Variants in LTBP1 observed in about 807,000 individuals in gnomAD.
LTBP1 encodes latent transforming growth factor beta binding protein 1.
Under a neutral mutation model 207.6 loss-of-function variants are expected in LTBP1, and 129 were observed. The observed-to-expected ratio is 0.62, with a 90% CI of 0.54 to 0.72. The LOEUF is 0.72. Ranked by LOEUF, LTBP1 falls within the 30% of genes least tolerant of loss-of-function variation. The pLI is 0.00. For missense variants in LTBP1, 2,281 were observed against 2,217.2 expected (o/e 1.03, Z -0.58); for synonymous variants, 963 against 833.7 (o/e 1.16, Z -2.67).
At chr2:33,294,571 T>TA (rs201311641) in intron 20 of LTBP1, among the ~76,000 whole-genome samples, 1 of 149,020 alleles carries the variant, frequency 6.7e-6, no homozygotes, top group African/African-American at 2.5e-5. Flanking sequence ...AATTATTGGG[T>TA]AAAATTTTTT....
In LTBP1 at chr2:33,398,607, G is replaced by C. The variant is rs538433340; in HGVS notation, c.*62G>C. ...ACTGTGTAAAGGAAAAGGGAGAAAT[G>C]TATTATACTTGAGACATTGCACCTA... On this transcript the variant is annotated 3_prime_UTR_variant, in exon 34 of 34. Transcript: ENST00000404816. The C allele has an allele frequency of 8.1e-5, 119 of 1,468,296 alleles. 2 individuals are homozygous for C. The East Asian group carries it at 2.5e-3, about 31-fold the overall frequency. The allele number at this position is 1,468,296 out of a possible 1,614,324, so 91.0% of individuals were successfully genotyped here. A position where few individuals can be genotyped will look rare whatever the true frequency, so the allele number is the denominator to read the frequency against.
chr2:33,096,211 A>G (rs577733493), intron 3 of LTBP1, among the ~76,000 whole-genome samples: 1 of 152,334 alleles, frequency 6.6e-6, no homozygotes, highest in South Asian at 2.1e-4. Context: ...AGGTCATAAA[A>G]TGGTGGAATG....
chr2:33,295,759 T>C (rs141822966), intron 20 of LTBP1, among the ~76,000 whole-genome samples: 2 of 152,318 alleles, frequency 1.3e-5, no homozygotes, highest in East Asian at 3.9e-4. Flanking sequence ...AAACATTTTC[T>C]TCTTAAGTGT....
chr2:33,254,341 C>T (rs2092767784), intron 11 of LTBP1, among the ~76,000 whole-genome samples: 1 of 151,634 alleles, frequency 6.6e-6, no homozygotes, highest in African/African-American at 2.4e-5. Flanking sequence ...CTTTTAAGTT[C>T]AGGGGTAAAA....
chr2:32,989,418 A>G (rs1423808210), intron 2 of LTBP1, among the ~76,000 whole-genome samples: 4 of 152,254 alleles, frequency 2.6e-5, no homozygotes, highest in Non-Finnish European at 5.9e-5. Flanking sequence ...TACATGGTGT[A>G]TATTACTCAA....
At chr2:33,275,234 G>A (rs2093401358) in intron 17 of LTBP1, 144 bp downstream of exon 17, 1 of 985,502 alleles carries the variant, frequency 1.0e-6, no homozygotes, top group Non-Finnish European at 1.5e-6. Context: ...TAGATCCCAG[G>A]TGATATAAAA....
chr2:33,014,127 A>G, intron 2 of LTBP1, among the ~76,000 whole-genome samples: 1 of 152,196 alleles, frequency 6.6e-6, no homozygotes, highest in Non-Finnish European at 1.5e-5. Flanking sequence ...TTTCATAAGG[A>G]TGAAAGACCT....
At chr2:33,356,504 C>A (rs183943854) in intron 26 of LTBP1, among the ~76,000 whole-genome samples, 6 of 152,040 alleles carry the variant, frequency 3.9e-5, no homozygotes, top group African/African-American at 1.4e-4. Flanking sequence ...ATGGTGAAAC[C>A]CTGTCTCTAC....
At chr2:33,199,974 G>T (rs952259219) in intron 7 of LTBP1, among the ~76,000 whole-genome samples, 1 of 152,160 alleles carries the variant, frequency 6.6e-6, no homozygotes, top group Non-Finnish European at 1.5e-5. Context: ...TGAAATAAAA[G>T]AGGATACAAA....
intron 3 of LTBP1, among the ~76,000 whole-genome samples, chr2:33,093,250 A>G (rs2079202052): frequency 2.0e-5 from 3 of 152,212 alleles, no homozygotes; most frequent in Non-Finnish European, 4.4e-5. Context: ...AAAATAAAAT[A>G]TTTGATTTAC....
intron 2 of LTBP1, among the ~76,000 whole-genome samples, chr2:32,995,100 C>G (rs1433932953): frequency 1.3e-5 from 2 of 151,802 alleles, no homozygotes; most frequent in East Asian, 1.9e-4. Flanking sequence ...AAGAGGATCA[C>G]TTGAGCTGAG....
intron 10 of LTBP1, among the ~76,000 whole-genome samples, chr2:33,246,044 C>G (rs1308864956): frequency 6.6e-6 from 1 of 152,160 alleles, no homozygotes; most frequent in East Asian, 1.9e-4. Flanking sequence ...CCAAATAATT[C>G]TGAACTTATT....
intron 31 of LTBP1, among the ~76,000 whole-genome samples, chr2:33,368,120 T>C (rs1240554301): frequency 6.6e-6 from 1 of 151,912 alleles, no homozygotes; most frequent in African/African-American, 2.4e-5. Flanking sequence ...GGCAGGAGAA[T>C]AGCTTGAACC....
chr2:33,280,116 C>A lies in LTBP1; in HGVS notation c.3070C>A (p.Pro1024Thr). Residue 1024 changes from proline (P) to threonine (T), a missense_variant, in exon 19 of 34, where the codon CCC becomes ACC. By Grantham distance (38) the Pro-to-Thr change is conservative. Coordinates refer to ENST00000404816, the MANE Select transcript of LTBP1 (RefSeq NM_206943.4). The stretch of plus-strand genomic sequence containing the variant: ...TTCTCCTGGATCTTACCAGTGCGTT[C>A]CCTGCACAGAAGGATTCCGAGGCTG... Reference protein sequence around the residue: ...VNSPGSYQCVPCTEGFRGWNG... With the variant: ...VNSPGSYQCVTCTEGFRGWNG... 6.2e-7 allele frequency: 1 copy of A among 1,614,042 alleles called. No individual in the cohort carries two copies. The highest frequency in any genetic ancestry group is 8.5e-7 in the Non-Finnish European group (1 of 1,179,920).
At chr2:33,310,015 T>A (rs1260043347) in intron 23 of LTBP1, among the ~76,000 whole-genome samples, 1 of 151,516 alleles carries the variant, frequency 6.6e-6, no homozygotes, top group Non-Finnish European at 1.5e-5. Context: ...TGGTATGATC[T>A]CGGCTCACTG....
intron 3 of LTBP1, among the ~76,000 whole-genome samples, chr2:33,066,358 G>C (rs796712762): frequency 6.6e-5 from 10 of 152,268 alleles, no homozygotes; most frequent in African/African-American, 1.9e-4. Flanking sequence ...TTTCACTGCT[G>C]CTTGGCACCC....
chr2:33,364,067 C>T lies in LTBP1; in HGVS notation c.4400-149C>T, dbSNP rs916781042. On this transcript the variant is annotated intron_variant, in intron 29 of 33. Coordinates refer to ENST00000404816, the MANE Select transcript of LTBP1 (RefSeq NM_206943.4). ...CAGCTTACATTTTTATAGACAGAGC[C>T]ACTCTCTTTTGGATGATAATGTGTG... The T allele has an allele frequency of 3.2e-5, 20 of 624,930 alleles. No individual in the cohort carries two copies. The African/African-American group carries it at 3.6e-4, about 11-fold the overall frequency. 38.7% of individuals were successfully genotyped at this position (624,930 alleles called of 1,614,324 possible). A position where few individuals can be genotyped will look rare whatever the true frequency, so the allele number is the denominator to read the frequency against.
chr2:33,312,414 A>G (rs571385873), intron 23 of LTBP1, among the ~76,000 whole-genome samples: 4 of 152,312 alleles, frequency 2.6e-5, no homozygotes, highest in Admixed American at 2.6e-4. Flanking sequence ...TGGAAATTCC[A>G]TGTTAATAGT....
chr2:33,086,281 T>G (rs2078749931), intron 3 of LTBP1, among the ~76,000 whole-genome samples: 1 of 152,182 alleles, frequency 6.6e-6, no homozygotes, highest in Non-Finnish European at 1.5e-5. Flanking sequence ...AGACCTCAGC[T>G]CAGGCTACCG....
Sources: allele counts gnomAD v4.1 joint callset (sites outside exome capture counted in the v4.1 genomes callset), GRCh38; gene constraint gnomAD v4.1.1; transcripts MANE v1.5; gene names NCBI Gene and HGNC (gene_info 2026-07-23, HGNC 2026-07-21).